Variants in CHTF18 observed in about 807,000 individuals in gnomAD.
CHTF18 encodes chromosome transmission fidelity protein 18 homolog.
In CHTF18, 151 loss-of-function variants were observed where a neutral mutation model predicts 113.4. That is an observed-to-expected ratio of 1.33 (90% CI 1.17 to 1.52). The LOEUF is 1.52. CHTF18 is among the 40% of genes most tolerant of loss of function. CHTF18 has a pLI of 0.00. For synonymous variants in CHTF18, 916 were observed against 598.8 expected (o/e 1.53, Z -7.74); for missense variants, 1,982 against 1,381.6 (o/e 1.43, Z -6.89).
rs2042254931 is a variant in CHTF18 at position 793,372 on chromosome 16, C to G, written c.1802+98C>G. The G allele has an allele frequency of 1.4e-5, 20 of 1,455,764 alleles. No homozygotes were observed. In the South Asian group the frequency reaches 2.3e-4, roughly 17 times the overall value. The allele number at this position is 1,455,764 out of a possible 1,614,324, so 90.2% of individuals were successfully genotyped here. A position where few individuals can be genotyped will look rare whatever the true frequency, so the allele number is the denominator to read the frequency against. ...GCCAGCACTACCTTCGAGGCGGGGA[C>G]TCAGTGTCCTGAGCCCGCGGTTGCC... is the stretch of plus-strand genomic sequence containing the variant. On this transcript the variant is annotated intron_variant, in intron 14 of 21. Transcript: ENST00000262315.
Position 790,173 on chromosome 16 carries a change from A to T in CHTF18, c.607-4A>T, listed in dbSNP as rs755844362. ...CAGAGGCAATTGTCCTCCCTTCCCC[A>T]CAGGGCTCTCTCCTCCACGTCCCAT... On this transcript the variant is annotated splice_polypyrimidine_tract_variant and splice_region_variant and intron_variant, in intron 4 of 21. Coordinates refer to ENST00000262315, the MANE Select transcript of CHTF18 (RefSeq NM_022092.3). 6.3e-7 allele frequency: 1 copy of T among 1,591,326 alleles called. No individual in the cohort carries two copies. The highest frequency in any genetic ancestry group is 8.5e-7 in the Non-Finnish European group (1 of 1,170,052).
chr16:791,151 C>T lies in CHTF18; in HGVS notation c.895-10C>T, dbSNP rs916062999. 3 of 1,606,490 alleles carry T rather than the reference C, an allele frequency of 1.9e-6. No homozygotes were observed. The highest frequency in any genetic ancestry group is 1.3e-5 in the African/African-American group (1 of 74,876). ...CTCAGGCTGTGCTTCCCTTCCCGTC[C>T]TTCCCGCAGTTCACCAACCGCTGCC... On this transcript the variant is annotated splice_polypyrimidine_tract_variant and intron_variant, in intron 7 of 21. Transcript: ENST00000262315.
chr16:793,374 C>G, intron 14 of CHTF18, 100 bp downstream of exon 14: 1 of 1,450,626 alleles, frequency 6.9e-7, no homozygotes, highest in Non-Finnish European at 9.2e-7. Flanking sequence ...GGCGGGGACT[C>G]AGTGTCCTGA....
intron 15 of CHTF18, 96 bp from the exon 16 acceptor site, chr16:795,036 G>C: frequency 1.0e-6 from 1 of 1,000,328 alleles, no homozygotes; most frequent in African/African-American, 1.6e-5. Context: ...CAGGCGGCAG[G>C]CAGGAGTGGA....
intron 20 of CHTF18, among the ~76,000 whole-genome samples, chr16:797,455 C>T (rs1350436337): frequency 2.0e-5 from 3 of 152,134 alleles, no homozygotes; most frequent in Non-Finnish European, 4.4e-5. Context: ...GGGTTCTACC[C>T]AGGCCTCAGT....
chr16:789,940 T>G, intron 4 of CHTF18: 1 of 1,503,296 alleles, frequency 6.7e-7, no homozygotes, highest in Non-Finnish European at 8.9e-7. Context: ...GAGGGCCTCC[T>G]TGCTTCCCCT....
rs761377253 is a variant in CHTF18, at chr16:792,228, G to A, written c.1207G>A (p.Asp403Asn). The change falls in exon 10 of 22, where the codon GAC (aspartate) becomes AAC (asparagine). Residue 403 changes from aspartate (D) to asparagine (N), a missense_variant. Transcript: ENST00000262315. ...CCCCTGACCTCCCCATTGCAGTGAC[G>A]ACCGTAGCCCGGAGGTCTTCCGCAC... ...YSVVEMNASD[D>N]RSPEVFRTRI... The A allele has an allele frequency of 5.1e-6, 8 of 1,570,886 alleles. No individual in the cohort carries two copies. The South Asian group carries it at 8.2e-5, about 16-fold the overall frequency.
rs1393155085 is a variant in CHTF18, at chr16:793,572, G to A, written c.1802+298G>A. ...GCCCCTTGACTCAGCTGCTGTCCCA[G>A]TTGCACCCTCATTTTTGCCACATTT... On this transcript the variant is annotated intron_variant, in intron 14 of 21. Transcript: ENST00000262315. The A allele has an allele frequency of 8.9e-6, 5 of 563,810 alleles. No individual in the cohort carries two copies. The African/African-American group carries it at 9.4e-5, about 11-fold the overall frequency. The allele number at this position is 563,810 out of a possible 1,614,324, so 34.9% of individuals were successfully genotyped here.
Position 796,996 on chromosome 16 carries a change from G to A in CHTF18, c.2637G>A (p.Leu879=), listed in dbSNP as rs369574053. ...GCCCCCCAGGGCTCGAGGGTCTGCT[G>A]GGGGGCATTGGGGAGAAAGGGGTGC... is the stretch of plus-strand genomic sequence containing the variant. ...DGSPPGLEGL[L]GGIGEKGVHR... is the part of the protein sequence containing the mutation. The change falls in exon 20 of 22, where the codon CTG becomes CTA. Residue 879 remains leucine, a synonymous_variant. Transcript: ENST00000262315. 6.5e-7 allele frequency: 1 copy of A among 1,544,384 alleles called. No homozygotes were observed. Among genetic ancestry groups the A allele is most frequent in the Non-Finnish European group, 8.7e-7 (1 of 1,144,394 alleles).
Position 789,543 on chromosome 16 carries a change from C to G in CHTF18, c.438-4C>G, listed in dbSNP as rs754078755. 3 of 1,596,210 alleles carry G rather than the reference C, an allele frequency of 1.9e-6. No homozygotes were observed. The South Asian group carries it at 3.3e-5, about 18-fold the overall frequency. The stretch of plus-strand genomic sequence containing the variant: ...TCTGCCACTGAGCCCCGGTCTCTCT[C>G]CAGAGTCTCAGAAGCTGCTGCCGAC... On this transcript the variant is annotated splice_polypyrimidine_tract_variant and splice_region_variant and intron_variant, in intron 3 of 21. Coordinates refer to ENST00000262315, the MANE Select transcript of CHTF18 (RefSeq NM_022092.3).
rs1429495163 is a variant in CHTF18 at position 791,662 on chromosome 16, T to C, written c.1105-189T>C. The C allele has an allele frequency of 6.3e-6, 9 of 1,427,368 alleles. No individual in the cohort carries two copies. In the South Asian group the frequency reaches 7.6e-5, roughly 12 times the overall value. The allele number at this position is 1,427,368 out of a possible 1,614,324, so 88.4% of individuals were successfully genotyped here. ...TGTGTTTTGTCTGCACGAACTTTGC[T>C]TTGTGTAGGTTTTTTTTTCCGTTGC... On this transcript the variant is annotated intron_variant, in intron 8 of 21. Coordinates refer to ENST00000262315, the MANE Select transcript of CHTF18 (RefSeq NM_022092.3).
chr16:789,078 A>G lies in CHTF18; in HGVS notation c.239A>G (p.Lys80Arg). 1 of 1,535,998 alleles carries G rather than the reference A, an allele frequency of 6.5e-7. No homozygotes were observed. The highest frequency in any genetic ancestry group is 8.8e-7 in the Non-Finnish European group (1 of 1,139,808). ...GGCAGCAGCCAGGGCGGCGCCAGGA[A>G]GAGGCAGGTGGACGCCGACCTGCAG... ...SVGSSQGGAR[K>R]RQVDADLQPA... is the part of the protein sequence containing the mutation. The change falls in exon 2 of 22, where the codon AAG becomes AGG. Residue 80 changes from lysine (K) to arginine (R), a missense_variant. By Grantham distance (26) the Lys-to-Arg change is conservative. Transcript: ENST00000262315.
At position 795,921 on chromosome 16, in the gene CHTF18, C is replaced by A. The variant is rs148668084; in HGVS notation, c.2326-26C>A. On this transcript the variant is annotated intron_variant, in intron 17 of 21. Transcript: ENST00000262315. ...CACATTTGTACAGCCTGCTCAGCTC[C>A]CTGTCTGCTGCCTCCCATCCCCTAG... 7.5e-6 allele frequency: 12 copies of A among 1,602,692 alleles called. No individual in the cohort carries two copies. The African/African-American group carries it at 1.6e-4, about 21-fold the overall frequency.
intron 15 of CHTF18, 110 bp from the exon 16 acceptor site, chr16:795,019 CGTG>C (rs983175714): frequency 1.2e-6 from 1 of 863,622 alleles, no homozygotes; most frequent in Non-Finnish European, 1.8e-6. Flanking sequence ...TGCGAAGCCT[CGTG>C]GGGCAGGCGG....
At chr16:793,518 G>T in intron 14 of CHTF18, 1 of 601,086 alleles carries the variant, frequency 1.7e-6, no homozygotes, top group Non-Finnish European at 2.9e-6. Context: ...CCAGTGTGGT[G>T]GGGCCTCCAG....
At position 790,566 on chromosome 16, in the gene CHTF18, C is replaced by T. The variant is rs765314604; in HGVS notation, c.794C>T (p.Ala265Val). Residue 265 changes from alanine (A) to valine (V), a missense_variant, in exon 7 of 22, where the codon GCC becomes GTC. Transcript: ENST00000262315. ...GEEEAAQPLGAPEEEPTDGQD... is the reference protein window; with the variant it reads ...GEEEAAQPLGVPEEEPTDGQD... ...GAGGAGGCAGCCCAGCCCTTGGGGGCCCCTGAGGAGGAGCCGACTGACGGT... is the reference window on the plus strand; with the variant it reads ...GAGGAGGCAGCCCAGCCCTTGGGGGTCCCTGAGGAGGAGCCGACTGACGGT... 1.9e-6 allele frequency: 3 copies of T among 1,596,848 alleles called. No homozygotes were observed. In the East Asian group the frequency reaches 6.8e-5, roughly 36 times the overall value.
At chr16:793,824 A>G in intron 14 of CHTF18, 1 of 633,360 alleles carries the variant, frequency 1.6e-6, no homozygotes, top group Non-Finnish European at 2.8e-6. Flanking sequence ...CCAGAGGGTC[A>G]GGGCAGGGCT....
chr16:789,811 G>A, intron 4 of CHTF18, 96 bp downstream of exon 4: 2 of 1,414,154 alleles, frequency 1.4e-6, no homozygotes, highest in Non-Finnish European at 9.4e-7. Context: ...CTTAAAGCGG[G>A]TCCTGTGCAG....
At position 791,333 on chromosome 16, in the gene CHTF18, A is replaced by T. The variant is rs745437526; in HGVS notation, c.1067A>T (p.Glu356Val). 6.2e-7 allele frequency: 1 copy of T among 1,608,796 alleles called. No individual in the cohort carries two copies. The change falls in exon 8 of 22, where the codon GAG becomes GTG. Residue 356 changes from glutamate to valine, a missense_variant. By Grantham distance (121) the Glu-to-Val change is moderately radical (BLOSUM62 -2). Coordinates refer to ENST00000262315, the MANE Select transcript of CHTF18 (RefSeq NM_022092.3). Reference protein sequence around the residue: ...SHEQVLEEMLEAGLDPSQRPK... With the variant: ...SHEQVLEEMLVAGLDPSQRPK... ...GAACAGGTGCTGGAGGAGATGCTGG[A>T]GGCTGGGCTGGACCCGAGCCAGCGA...
Sources: gnomAD v4.1 joint callset for allele counts (sites outside exome capture counted in the v4.1 genomes callset) on GRCh38, gnomAD v4.1.1 for gene constraint, MANE v1.5 for transcripts, NCBI Gene and HGNC (gene_info 2026-07-23, HGNC 2026-07-21) for gene names.